Variants in CDYL2 observed in about 807,000 individuals in gnomAD.
CDYL2 encodes the protein chromodomain Y like 2, also known as chromodomain Y-like protein 2.
A neutral mutation model predicts 49.4 loss-of-function variants in CDYL2; 23 were observed. That is an observed-to-expected ratio of 0.47 (90% CI 0.34 to 0.66). The LOEUF (loss-of-function observed/expected upper bound fraction) is 0.66. Ranked by LOEUF, CDYL2 falls within the 30% of genes least tolerant of loss-of-function variation. The pLI is 0.01. For synonymous variants in CDYL2, 360 were observed against 268.8 expected, an observed-to-expected ratio of 1.34 and a Z score of -3.32; for missense variants, 678 against 656.4, an observed-to-expected ratio of 1.03 and a Z score of -0.36.
At chr16:80,764,222 T>C (rs1245445772) in intron 1 of CDYL2, among the ~76,000 whole-genome samples, 1 of 152,208 alleles carries the variant, frequency 6.6e-6, no homozygotes, top group Non-Finnish European at 1.5e-5. Flanking sequence ...TTATAAAACA[T>C]GATTTTAATA....
At chr16:80,761,293 G>A (rs935656494) in intron 1 of CDYL2, among the ~76,000 whole-genome samples, 11 of 152,326 alleles carry the variant, frequency 7.2e-5, no homozygotes, top group African/African-American at 2.6e-4. Flanking sequence ...ATCTATCACT[G>A]AGGACCTGTG....
chr16:80,671,718 C>T (rs1487922437), intron 2 of CDYL2, among the ~76,000 whole-genome samples: 1 of 152,226 alleles, frequency 6.6e-6, no homozygotes, highest in Non-Finnish European at 1.5e-5. Context: ...CGAGGCTCCT[C>T]TTGTTCCCCT....
chr16:80,666,426 G>T (rs1597158551), intron 2 of CDYL2, among the ~76,000 whole-genome samples: 1 of 152,192 alleles, frequency 6.6e-6, no homozygotes, highest in South Asian at 2.1e-4. Flanking sequence ...GCAAAATACA[G>T]AGGCTGCAGC....
intron 4 of CDYL2, among the ~76,000 whole-genome samples, chr16:80,619,402 C>T (rs1348920782): frequency 6.6e-6 from 1 of 152,240 alleles, no homozygotes; most frequent in Admixed American, 6.5e-5. Flanking sequence ...AAACGAGGGG[C>T]TGTGTCAGCC....
At chr16:80,647,678 T>C (rs554842228) in intron 2 of CDYL2, among the ~76,000 whole-genome samples, 2 of 152,316 alleles carry the variant, frequency 1.3e-5, no homozygotes, top group African/African-American at 2.4e-5. Context: ...ATCTGCACTA[T>C]AGGCCAAATG....
chr16:80,726,396 T>C (rs1905163843), intron 1 of CDYL2, among the ~76,000 whole-genome samples: 3 of 152,334 alleles, frequency 2.0e-5, no homozygotes, highest in South Asian at 4.1e-4. Flanking sequence ...TACTATAACA[T>C]TTTACTAAAA....
At chr16:80,749,786 CAT>C (rs1906067034) in intron 1 of CDYL2, among the ~76,000 whole-genome samples, 1 of 152,038 alleles carries the variant, frequency 6.6e-6, no homozygotes, top group African/African-American at 2.4e-5. Context: ...CACATGCACA[CAT>C]ATGTTTATTG....
intron 1 of CDYL2, among the ~76,000 whole-genome samples, chr16:80,737,514 C>G (rs1017125673): frequency 6.6e-6 from 1 of 152,186 alleles, no homozygotes; most frequent in Admixed American, 6.5e-5. Context: ...GTACCTTGCT[C>G]TAGGTACCGT....
At position 80,693,638 on chromosome 16, in the gene CDYL2, T is replaced by C. The variant is rs116162382; in HGVS notation, c.25-8509A>G. Among the ~76,000 whole-genome samples, 358 of 152,228 alleles carry C rather than the reference T, an allele frequency of 2.4e-3. 2 individuals carry two copies. Among genetic ancestry groups the C allele is most frequent in the African/African-American group, 8.4e-3 (349 of 41,528 alleles). On this transcript the variant is annotated intron_variant, in intron 1 of 6. Coordinates refer to ENST00000570137, the MANE Select transcript of CDYL2 (RefSeq NM_152342.4). ...CAAACTATTACTTGGTACAGCAACA[T>C]AAATGAATCTTACATTCAGGTGCCA...
intron 2 of CDYL2, among the ~76,000 whole-genome samples, chr16:80,640,775 G>T (rs1202616808): frequency 6.6e-6 from 1 of 152,116 alleles, no homozygotes; most frequent in Non-Finnish European, 1.5e-5. Context: ...GAATCAAGCA[G>T]AAATTGTGTA....
Position 80,618,656 on chromosome 16 carries a change from T to C in CDYL2, c.1007+2107A>G, listed in dbSNP as rs1015351570. 5.9e-5 allele frequency among the ~76,000 whole-genome samples: 9 copies of C among 152,166 alleles called. No individual in the cohort carries two copies. In the South Asian group the frequency reaches 8.3e-4, roughly 14 times the overall value. On this transcript the variant is annotated intron_variant, in intron 4 of 6. Transcript: ENST00000570137. ...ACCTTATTCCTGCATGCAAGAAGGATCCCCACGCCCTCCCCAGGCTGGGAC... is the reference window on the plus strand; with the variant it reads ...ACCTTATTCCTGCATGCAAGAAGGACCCCCACGCCCTCCCCAGGCTGGGAC...
intron 2 of CDYL2, among the ~76,000 whole-genome samples, chr16:80,660,743 G>GA (rs1478588677): frequency 6.6e-6 from 1 of 152,180 alleles, no homozygotes. Context: ...CTCTGAGACA[G>GA]AAAGAGGGAT....
intron 1 of CDYL2, among the ~76,000 whole-genome samples, chr16:80,800,212 C>T (rs192702287): frequency 3.3e-5 from 5 of 152,234 alleles, no homozygotes; most frequent in Admixed American, 3.3e-4. Flanking sequence ...CTATGTTGAC[C>T]TCATGGCAAA....
rs17754079 is a variant in CDYL2, at chr16:80,733,005, T to G, written c.25-47876A>C. On this transcript the variant is annotated intron_variant, in intron 1 of 6. Coordinates refer to ENST00000570137, the MANE Select transcript of CDYL2 (RefSeq NM_152342.4). ...CCAAAAGATGTGATAAAGCCATTGA[T>G]CAAAACAGACTCAAAGATCCACAGA... is the stretch of plus-strand genomic sequence containing the variant. Among the ~76,000 whole-genome samples, 3 of 152,062 alleles carry G rather than the reference T, an allele frequency of 2.0e-5. No individual in the cohort carries two copies. In the East Asian group the frequency reaches 5.8e-4, roughly 29 times the overall value.
Position 80,632,818 on chromosome 16 carries a change from G to C in CDYL2, c.834+201C>G, listed in dbSNP as rs974562028. ...ATGGTCTTCATCCATAAGATGAGAGGGTATCATTACACGGTCATAAAGATC... is the reference window on the plus strand; with the variant it reads ...ATGGTCTTCATCCATAAGATGAGAGCGTATCATTACACGGTCATAAAGATC... On this transcript the variant is annotated intron_variant, in intron 3 of 6. Transcript: ENST00000570137. The C allele has an allele frequency of 1.4e-4, 79 of 557,490 alleles. 1 individual carries two copies. In the East Asian group the frequency reaches 2.4e-3, roughly 17 times the overall value. The allele number at this position is 557,490 out of a possible 1,614,324, so 34.5% of individuals were successfully genotyped here.
At chr16:80,729,760 C>G (rs1385668840) in intron 1 of CDYL2, among the ~76,000 whole-genome samples, 1 of 152,092 alleles carries the variant, frequency 6.6e-6, no homozygotes, top group Non-Finnish European at 1.5e-5. Context: ...TCTCTCAGAC[C>G]ACAGTGCAAT....
intron 2 of CDYL2, among the ~76,000 whole-genome samples, chr16:80,637,651 A>C (rs9930675): frequency 0.062 from 9,001 of 145,812 alleles, 814 homozygotes; most frequent in African/African-American, 0.22. Flanking sequence ...CTGGAACTTG[A>C]TGTTTTTTAA....
intron 1 of CDYL2, among the ~76,000 whole-genome samples, chr16:80,787,693 A>C: frequency 6.6e-6 from 1 of 152,174 alleles, no homozygotes; most frequent in East Asian, 1.9e-4. Flanking sequence ...GAAAACTATC[A>C]TGGTAAATTA....
At chr16:80,611,180 G>A (rs1236897997) in intron 5 of CDYL2, among the ~76,000 whole-genome samples, 1 of 152,216 alleles carries the variant, frequency 6.6e-6, no homozygotes, top group Non-Finnish European at 1.5e-5. Flanking sequence ...AAGACAGAGA[G>A]CTGGGGAATA....
Sources: allele counts gnomAD v4.1 joint callset (sites outside exome capture counted in the v4.1 genomes callset), GRCh38; gene constraint gnomAD v4.1.1; transcripts MANE v1.5; gene names NCBI Gene and HGNC (gene_info 2026-07-23, HGNC 2026-07-21).